Variants in TEAD4 observed in about 807,000 individuals in gnomAD.
The protein encoded by TEAD4 is transcriptional enhancer factor TEF-3.
In TEAD4, 36 loss-of-function variants were observed where a neutral mutation model predicts 52.4. The ratio of observed to expected loss-of-function variants is 0.69; its 90% CI spans 0.53 to 0.91. The LOEUF (loss-of-function observed/expected upper bound fraction) is 0.91, where lower values mean the gene tolerates loss of function less well. TEAD4 is among the 40% of genes least tolerant of loss of function. The probability of loss-of-function intolerance (pLI) is 0.00; values close to 1 mark genes in which losing one functional copy is unlikely to be tolerated. For missense variants in TEAD4, 508 were observed against 583.9 expected (o/e 0.87, Z 1.34); for synonymous variants, 220 against 231.0 (o/e 0.95, Z 0.43).
chr12:3,010,944 C>T, intron 3 of TEAD4, 60 bp from the exon 4 acceptor site: 1 of 1,598,464 alleles, frequency 6.3e-7, no homozygotes, highest in Non-Finnish European at 8.6e-7. Context: ...CCCCGCACCC[C>T]CTCACTGCTT....
chr12:3,013,507 G>A (rs923924420), intron 5 of TEAD4, among the ~76,000 whole-genome samples: 1 of 152,154 alleles, frequency 6.6e-6, no homozygotes, highest in Non-Finnish European at 1.5e-5. Flanking sequence ...GCCGAGTTGG[G>A]CGGATCACTT....
At chr12:3,032,132 G>A (rs990247916) in intron 10 of TEAD4, among the ~76,000 whole-genome samples, 2 of 152,224 alleles carry the variant, frequency 1.3e-5, no homozygotes, top group African/African-American at 4.8e-5. Flanking sequence ...GGAGACTAAG[G>A]TTGCCAGGAA....
intron 10 of TEAD4, among the ~76,000 whole-genome samples, chr12:3,035,151 A>G (rs1317085450): frequency 2.0e-5 from 3 of 152,262 alleles, no homozygotes; most frequent in Admixed American, 6.5e-5. Flanking sequence ...TATATATTAG[A>G]AAGAATAGAA....
intron 2 of TEAD4, among the ~76,000 whole-genome samples, chr12:2,984,826 G>C (rs1458791222): frequency 6.6e-6 from 1 of 152,180 alleles, no homozygotes; most frequent in Admixed American, 6.5e-5. Flanking sequence ...TGGCACACCT[G>C]TATGGGGTAC....
chr12:2,983,169 T>C (rs2098235490), intron 2 of TEAD4, among the ~76,000 whole-genome samples: 1 of 152,210 alleles, frequency 6.6e-6, no homozygotes, highest in Non-Finnish European at 1.5e-5. Context: ...TTAAAATGAT[T>C]AATTAATTAA....
chr12:2,996,408 C>G (rs1410845579), intron 3 of TEAD4, among the ~76,000 whole-genome samples: 2 of 150,942 alleles, frequency 1.3e-5, no homozygotes, highest in South Asian at 2.1e-4. Context: ...TTTTCTCTCT[C>G]TCTCTTTTTT....
At chr12:3,023,624 TAA>T (rs768450059) in intron 10 of TEAD4, among the ~76,000 whole-genome samples, 10 of 132,052 alleles carry the variant, frequency 7.6e-5, no homozygotes, top group Admixed American at 1.5e-4. Context: ...TATCTCTACT[TAA>T]AAAAAAAAAA....
intron 3 of TEAD4, among the ~76,000 whole-genome samples, chr12:3,002,606 G>T (rs1002770093): frequency 6.6e-6 from 1 of 152,260 alleles, no homozygotes; most frequent in Non-Finnish European, 1.5e-5. Flanking sequence ...GATTAGTGTT[G>T]TGGAGCATCT....
At position 2,994,749 on chromosome 12, in the gene TEAD4, G is replaced by A. The variant is rs746504455; in HGVS notation, c.-18G>A. On this transcript the variant is annotated 5_prime_UTR_variant, in exon 3 of 13. Transcript: ENST00000359864. The surrounding 1 kb of genome is among the most constrained non-coding windows in gnomAD (Gnocchi z 4.7). Reference sequence around the variant, plus strand: ...TCCTGTCCCCACAGGTCCAACGAGCGCTCCTCCAAGCGGAGCCTTGGAGGG... The same window carrying A: ...TCCTGTCCCCACAGGTCCAACGAGCACTCCTCCAAGCGGAGCCTTGGAGGG... 5 of 1,588,196 alleles carry A rather than the reference G, an allele frequency of 3.1e-6. No individual in the cohort carries two copies. The highest frequency in any genetic ancestry group is 1.7e-4 in the Middle Eastern group (1 of 5,902).
intron 2 of TEAD4, among the ~76,000 whole-genome samples, chr12:2,975,356 C>CATT (rs58872768): frequency 9.6e-4 from 142 of 148,170 alleles, no homozygotes; most frequent in East Asian, 2.2e-3. Flanking sequence ...AATATCGGCA[C>CATT]ATTATTATTA....
chr12:3,004,737 C>G (rs2098254472), intron 3 of TEAD4, among the ~76,000 whole-genome samples: 1 of 152,246 alleles, frequency 6.6e-6, no homozygotes, highest in South Asian at 2.1e-4. Flanking sequence ...ATGAGGTATG[C>G]AGCAAGTGTT....
chr12:3,031,674 C>T (rs748707322), intron 10 of TEAD4, among the ~76,000 whole-genome samples: 24 of 152,192 alleles, frequency 1.6e-4, no homozygotes, highest in Non-Finnish European at 3.5e-4. Context: ...GCACTCTTCT[C>T]ACCACGTTAC....
Position 3,039,475 on chromosome 12 carries a change from C to CGTGT in TEAD4, c.1039-627_1039-624dup, listed in dbSNP as rs1376014849. Reference sequence around the variant, plus strand: ...CGGCACTCCTATGTGCGCTTGCATGCGTGTGTGTAGACAGGGAAATTTGCA... The same window carrying CGTGT: ...CGGCACTCCTATGTGCGCTTGCATGCGTGTGTGTGTGTAGACAGGGAAATTTGCA... On this transcript the variant is annotated intron_variant, in intron 11 of 12. Coordinates refer to ENST00000359864, the MANE Select transcript of TEAD4 (RefSeq NM_003213.4). Among the ~76,000 whole-genome samples, 12 of 152,212 alleles carry CGTGT rather than the reference C, an allele frequency of 7.9e-5. 1 individual carries two copies. The South Asian group carries it at 2.1e-3, about 26-fold the overall frequency.
At chr12:2,996,173 TGACAAC>T (rs976049091) in intron 3 of TEAD4, among the ~76,000 whole-genome samples, 8 of 152,118 alleles carry the variant, frequency 5.3e-5, no homozygotes, top group African/African-American at 1.4e-4. Flanking sequence ...CTGAAGTCAG[TGACAAC>T]GGGGCCCCTG....
At chr12:3,003,493 A>G (rs2098253309) in intron 3 of TEAD4, among the ~76,000 whole-genome samples, 1 of 152,110 alleles carries the variant, frequency 6.6e-6, no homozygotes, top group African/African-American at 2.4e-5. Flanking sequence ...CAGTGGTGCT[A>G]TGTGGCGGAG....
chr12:2,986,466 C>T (rs1339345681), intron 2 of TEAD4, among the ~76,000 whole-genome samples: 4 of 151,696 alleles, frequency 2.6e-5, no homozygotes, highest in African/African-American at 7.3e-5. Flanking sequence ...GGTGAAACTC[C>T]GTCTCCACTA....
At chr12:2,991,665 A>C (rs1289049111) in intron 2 of TEAD4, among the ~76,000 whole-genome samples, 2 of 151,996 alleles carry the variant, frequency 1.3e-5, no homozygotes, top group East Asian at 1.9e-4. Context: ...CCGTCCCCCC[A>C]CAAAAAAAAA....
intron 8 of TEAD4, among the ~76,000 whole-genome samples, chr12:3,020,377 T>G (rs1312294865): frequency 1.2e-5 from 1 of 81,192 alleles, no homozygotes; most frequent in African/African-American, 2.8e-5. Context: ...AATCCAGTCT[T>G]GCTCGGCGGT....
chr12:3,020,533 G>A, intron 8 of TEAD4, 101 bp from the exon 9 acceptor site: 1 of 1,356,936 alleles, frequency 7.4e-7, no homozygotes, highest in South Asian at 1.9e-5. Flanking sequence ...GTCCCCCCAG[G>A]CAGCACGGGT....
Sources: gnomAD v4.1 joint callset for allele counts (sites outside exome capture counted in the v4.1 genomes callset) on GRCh38, gnomAD v4.1.1 for gene constraint, Gnocchi (gnomAD v3.1) non-coding constraint, MANE v1.5 for transcripts, NCBI Gene and HGNC (gene_info 2026-07-23, HGNC 2026-07-21) for gene names.